The following DGKB variants were observed in gnomAD, a reference collection of about 807,000 sequenced individuals.
DGKB encodes the protein 90 kDa diacylglycerol kinase.
DGKB carries 67 observed loss-of-function variants against 114.3 expected under a neutral mutation model. The ratio of observed to expected loss-of-function variants is 0.59; its 90% CI spans 0.48 to 0.72. DGKB has a LOEUF of 0.72. Ranked by LOEUF, DGKB falls within the 30% of genes least tolerant of loss-of-function variation. The pLI is 0.00. For missense variants in DGKB, 907 were observed against 975.2 expected, an observed-to-expected ratio of 0.93 and a Z score of 0.93; for synonymous variants, 398 against 323.1, an observed-to-expected ratio of 1.23 and a Z score of -2.49.
chr7:14,590,718 C>G (rs1801563078), intron 17 of DGKB, among the ~76,000 whole-genome samples: 1 of 151,996 alleles, frequency 6.6e-6, no homozygotes. Flanking sequence ...CCTCAGTTTC[C>G]ATAACTTTAG....
At chr7:14,964,208 T>C (rs373135201) in intron 1 of DGKB, among the ~76,000 whole-genome samples, 2 of 152,246 alleles carry the variant, frequency 1.3e-5, no homozygotes, top group East Asian at 3.9e-4. Context: ...TTTGAAGAGT[T>C]ATAAATATTT....
chr7:14,175,538 G>A (rs1436111719), intron 25 of DGKB, among the ~76,000 whole-genome samples: 1 of 151,972 alleles, frequency 6.6e-6, no homozygotes, highest in African/African-American at 2.4e-5. Flanking sequence ...TGCCATCTTT[G>A]CCCAAGCCCA....
intron 12 of DGKB, among the ~76,000 whole-genome samples, chr7:14,675,769 C>G (rs934105422): frequency 1.3e-5 from 2 of 151,884 alleles, no homozygotes; most frequent in Non-Finnish European, 2.9e-5. Context: ...TTCTCCTAAC[C>G]AAGAAGTCTA....
chr7:14,492,659 C>T (rs1200731835), intron 20 of DGKB, among the ~76,000 whole-genome samples: 1 of 152,070 alleles, frequency 6.6e-6, no homozygotes, highest in East Asian at 1.9e-4. Flanking sequence ...CAGTTCTAGA[C>T]CTGATGTATT....
At chr7:14,934,010 G>A (rs577645080) in intron 1 of DGKB, among the ~76,000 whole-genome samples, 16 of 152,088 alleles carry the variant, frequency 1.1e-4, no homozygotes, top group Non-Finnish European at 2.2e-4. Context: ...ATCTGTCAGT[G>A]AAAAATTTTT....
At chr7:14,645,848 G>A (rs1462954260) in intron 13 of DGKB, among the ~76,000 whole-genome samples, 1 of 152,072 alleles carries the variant, frequency 6.6e-6, no homozygotes, top group Non-Finnish European at 1.5e-5. Flanking sequence ...TTCAACATCT[G>A]AAGGCAAAAG....
intron 1 of DGKB, among the ~76,000 whole-genome samples, chr7:14,916,961 C>G (rs1440733674): frequency 6.6e-6 from 1 of 151,688 alleles, no homozygotes; most frequent in African/African-American, 2.4e-5. Flanking sequence ...TGGAACTACG[C>G]AGAAATCAAT....
chr7:14,468,553 T>C (rs115821569), intron 21 of DGKB, among the ~76,000 whole-genome samples: 1,842 of 151,116 alleles, frequency 0.012, 75 homozygotes, highest in African/African-American at 0.043. Flanking sequence ...TTATTATATA[T>C]AATATTATCT....
intron 21 of DGKB, among the ~76,000 whole-genome samples, chr7:14,439,117 G>T (rs989383341): frequency 6.6e-6 from 1 of 151,976 alleles, no homozygotes; most frequent in Non-Finnish European, 1.5e-5. Flanking sequence ...CATTAAGGGG[G>T]TTTGGATTTT....
At chr7:14,933,771 T>A (rs950185508) in intron 1 of DGKB, among the ~76,000 whole-genome samples, 1 of 152,186 alleles carries the variant, frequency 6.6e-6, no homozygotes, top group African/African-American at 2.4e-5. Context: ...CTCTTTTATG[T>A]TTTGCTGCTC....
At chr7:14,474,815 C>T (rs866889550) in intron 21 of DGKB, among the ~76,000 whole-genome samples, 6 of 135,092 alleles carry the variant, frequency 4.4e-5, no homozygotes, top group African/African-American at 1.5e-4. Context: ...ATTCTAGTAG[C>T]ATAAATATTT....
chr7:14,903,609 C>T (rs1783464467), upstream of DGKB, among the ~76,000 whole-genome samples: 1 of 152,138 alleles, frequency 6.6e-6, no homozygotes, highest in Admixed American at 6.5e-5. Flanking sequence ...GTAGCAGCTG[C>T]AGACGCTCTT....
intron 1 of DGKB, among the ~76,000 whole-genome samples, chr7:14,932,623 A>C (rs1785080028): frequency 6.6e-6 from 1 of 152,194 alleles, no homozygotes; most frequent in South Asian, 2.1e-4. Flanking sequence ...GCACATTCAA[A>C]ACATAGACAT....
intron 1 of DGKB, among the ~76,000 whole-genome samples, chr7:14,932,346 G>T (rs1474330779): frequency 6.6e-6 from 1 of 152,096 alleles, no homozygotes; most frequent in Non-Finnish European, 1.5e-5. Context: ...CTTTGATAAT[G>T]TATTGAAAGT....
chr7:14,459,710 A>G (rs559243911), intron 21 of DGKB, among the ~76,000 whole-genome samples: 27 of 152,320 alleles, frequency 1.8e-4, no homozygotes, highest in Non-Finnish European at 3.4e-4. Flanking sequence ...CAACCTAGCA[A>G]GACAGGCCAA....
rs74707737 is a variant in DGKB at position 14,846,513 on chromosome 7, T to C, written c.-187-5063A>G. ...CTCATGCCTCAGAAGGTAATGAAAA[T>C]GATGGCAGCACATTCTTATAGTCCC... On this transcript the variant is annotated intron_variant, in intron 1 of 25. Coordinates refer to ENST00000402815, the MANE Select transcript of DGKB (RefSeq NM_001350709.2). 9.9e-5 allele frequency among the ~76,000 whole-genome samples: 15 copies of C among 152,194 alleles called. No individual in the cohort carries two copies. In the East Asian group the frequency reaches 2.9e-3, roughly 29 times the overall value.
intron 20 of DGKB, among the ~76,000 whole-genome samples, chr7:14,506,713 G>A (rs978306056): frequency 1.3e-5 from 2 of 152,170 alleles, no homozygotes; most frequent in African/African-American, 2.4e-5. Flanking sequence ...GATACTATAA[G>A]TGGGTGAATA....
At chr7:14,524,349 T>A (rs1203825147) in intron 20 of DGKB, among the ~76,000 whole-genome samples, 1 of 152,206 alleles carries the variant, frequency 6.6e-6, no homozygotes, top group Non-Finnish European at 1.5e-5. Flanking sequence ...GGTAGAAGAA[T>A]ACCTTTTCCT....
At chr7:14,804,594 T>G (rs537647313) in intron 2 of DGKB, among the ~76,000 whole-genome samples, 40 of 152,152 alleles carry the variant, frequency 2.6e-4, no homozygotes, top group Non-Finnish European at 4.9e-4. Flanking sequence ...GAAATAATCT[T>G]TCAAATATCA....
Sources: allele counts gnomAD v4.1 joint callset (sites outside exome capture counted in the v4.1 genomes callset), GRCh38; gene constraint gnomAD v4.1.1; transcripts MANE v1.5; gene names NCBI Gene and HGNC (gene_info 2026-07-23, HGNC 2026-07-21).